Variants in CASP10 observed in about 807,000 individuals in gnomAD.
The protein encoded by CASP10 is caspase 10.
In CASP10, 41 loss-of-function variants were observed where a neutral mutation model predicts 48.5. The observed-to-expected ratio is 0.85, with a 90% CI of 0.66 to 1.10. The LOEUF (loss-of-function observed/expected upper bound fraction) is 1.10. Among genes scored for constraint, CASP10 ranks in the 50% least tolerant of loss-of-function variants. The pLI is 0.00. For synonymous variants in CASP10, 232 were observed against 238.4 expected, an observed-to-expected ratio of 0.97 and a Z score of 0.25; for missense variants, 614 against 614.5, an observed-to-expected ratio of 1.00 and a Z score of 0.01.
At chr2:201,200,303 G>A (rs992789091) in intron 5 of CASP10, 7 of 695,438 alleles carry the variant, frequency 1.0e-5, no homozygotes, top group South Asian at 3.8e-5. Context: ...TAGATTGAGC[G>A]TCTGCTGATG....
intron 5 of CASP10, chr2:201,200,416 T>C: frequency 1.3e-6 from 2 of 1,594,324 alleles, no homozygotes; most frequent in Non-Finnish European, 1.7e-6. Flanking sequence ...CATTCTACTG[T>C]AAAGAAGGAC....
chr2:201,208,276 C>T (rs1945275527), intron 8 of CASP10, 93 bp downstream of exon 8: 1 of 1,494,266 alleles, frequency 6.7e-7, no homozygotes, highest in Non-Finnish European at 8.9e-7. Context: ...TTTTATCTTC[C>T]ATATACGTGT....
intron 1 of CASP10, among the ~76,000 whole-genome samples, chr2:201,184,278 T>C (rs1279324870): frequency 6.6e-6 from 1 of 152,208 alleles, no homozygotes; most frequent in African/African-American, 2.4e-5. Context: ...GCAACTCTTG[T>C]CTAAAATCAC....
At position 201,217,609 on chromosome 2, in the gene CASP10, C is replaced by T. The variant is rs750717615; in HGVS notation, c.1437C>T (p.Ile479=). 1 of 1,613,952 alleles carries T rather than the reference C, an allele frequency of 6.2e-7. No homozygotes were observed. Among genetic ancestry groups the T allele is most frequent in the South Asian group, 1.1e-5 (1 of 91,082 alleles). The change falls in exon 10 of 10, where the codon ATC becomes ATT. Residue 479 remains isoleucine (I), a synonymous_variant. Transcript: ENST00000286186. ...GCAGACATGAAGACATCTTATCCATCCTCACTGCTGTCAACGATGATGTGA... is the reference window on the plus strand; with the variant it reads ...GCAGACATGAAGACATCTTATCCATTCTCACTGCTGTCAACGATGATGTGA... ...LVPRHEDILS[I]LTAVNDDVSR...
At chr2:201,187,407 T>G (rs1055273951) in intron 2 of CASP10, among the ~76,000 whole-genome samples, 5 of 152,062 alleles carry the variant, frequency 3.3e-5, no homozygotes, top group African/African-American at 1.2e-4. Context: ...TGGGAAGGCA[T>G]GTCAGAATTG....
intron 7 of CASP10, among the ~76,000 whole-genome samples, chr2:201,207,664 G>A (rs1254138100): frequency 6.6e-6 from 1 of 151,994 alleles, no homozygotes; most frequent in Non-Finnish European, 1.5e-5. Context: ...GGCTGAGGCA[G>A]AAGACTCGCT....
chr2:201,228,471 T>A (rs1207094307), intron 9 of CASP10, among the ~76,000 whole-genome samples: 1 of 152,230 alleles, frequency 6.6e-6, no homozygotes, highest in Non-Finnish European at 1.5e-5. Context: ...AAGGGCACAG[T>A]GAGCCAGTTT....
At position 201,218,670 on chromosome 2, in the gene CASP10, G is replaced by T. The variant is rs1945646699; in HGVS notation, c.*929G>T. 1 of 985,388 alleles carries T rather than the reference G, an allele frequency of 1.0e-6. No individual in the cohort carries two copies. The highest frequency in any genetic ancestry group is 4.7e-5 in the South Asian group (1 of 21,276). 61.0% of individuals were successfully genotyped at this position (985,388 alleles called of 1,614,324 possible). A position where few individuals can be genotyped will look rare whatever the true frequency, so the allele number is the denominator to read the frequency against. The stretch of plus-strand genomic sequence containing the variant: ...ACGTTCTTAGCCTAGATTGAGCTTA[G>T]ATTGCCTCTCTAGACAACTACCCCT... On this transcript the variant is annotated 3_prime_UTR_variant, in exon 10 of 10. Transcript: ENST00000286186.
chr2:201,187,080 G>A (rs899646294), intron 2 of CASP10, among the ~76,000 whole-genome samples: 1 of 152,184 alleles, frequency 6.6e-6, no homozygotes, highest in East Asian at 1.9e-4. Context: ...TGGTCTCTGC[G>A]ATTAGAACAC....
intron 5 of CASP10, 77 bp from the exon 6 acceptor site, chr2:201,203,653 C>A: frequency 8.0e-7 from 1 of 1,244,626 alleles, no homozygotes; most frequent in Admixed American, 1.7e-5. Flanking sequence ...TCCTTCCCTG[C>A]ATCAAGTCTA....
chr2:201,224,354 T>C (rs1206103860), downstream of CASP10, among the ~76,000 whole-genome samples: 3 of 152,218 alleles, frequency 2.0e-5, no homozygotes, highest in East Asian at 5.8e-4. Context: ...TGTTTAAAGA[T>C]TTACTTATTT....
intron 3 of CASP10, among the ~76,000 whole-genome samples, chr2:201,191,477 T>C (rs1169698935): frequency 6.6e-6 from 1 of 152,158 alleles, no homozygotes; most frequent in Non-Finnish European, 1.5e-5. Flanking sequence ...TTGATCTGTA[T>C]TGGATTTTGC....
chr2:201,191,053 G>A (rs1290746427), intron 3 of CASP10, among the ~76,000 whole-genome samples: 1 of 151,746 alleles, frequency 6.6e-6, no homozygotes, highest in Non-Finnish European at 1.5e-5. Flanking sequence ...GTAGAGGTGG[G>A]GTTTCACCAT....
At chr2:201,224,116 C>T (rs190038228), downstream of CASP10, among the ~76,000 whole-genome samples, 264 of 152,050 alleles carry the variant, frequency 1.7e-3, 1 homozygote, top group African/African-American at 5.7e-3. Flanking sequence ...GGACTATGGG[C>T]GCCCGCTACC....
At chr2:201,188,192 T>C (rs1320269280) in intron 3 of CASP10, among the ~76,000 whole-genome samples, 3 of 152,196 alleles carry the variant, frequency 2.0e-5, no homozygotes, top group African/African-American at 7.2e-5. Flanking sequence ...GTTTTTGTTT[T>C]TTTTTGAGAC....
At chr2:201,206,365 C>T (rs1171190391) in intron 7 of CASP10, 1 of 166,240 alleles carries the variant, frequency 6.0e-6, no homozygotes, top group African/African-American at 2.4e-5. Flanking sequence ...AAAGCCAGCT[C>T]AGCTAATTTG....
rs1210832784 is a variant in CASP10, at chr2:201,209,453, T to G, written c.1306T>G (p.Phe436Val). ...GGACAGTATTCCTGCCGAGGCTGACTTCCTACTTGGTCTGGCCACTGTCCC... is the reference window on the plus strand; with the variant it reads ...GGACAGTATTCCTGCCGAGGCTGACGTCCTACTTGGTCTGGCCACTGTCCC... ...LQDSIPAEADFLLGLATVPGY... is the reference protein window; with the variant it reads ...LQDSIPAEADVLLGLATVPGY... The change falls in exon 9 of 10, where the codon TTC (phenylalanine) becomes GTC (valine). Residue 436 changes from phenylalanine to valine, a missense_variant. Phe to Val is a conservative substitution (Grantham distance 50). Coordinates refer to ENST00000286186, the MANE Select transcript of CASP10 (RefSeq NM_032977.4). The G allele has an allele frequency of 1.9e-6, 3 of 1,614,046 alleles. No homozygotes were observed. In the East Asian group the frequency reaches 6.7e-5, roughly 36 times the overall value.
intron 5 of CASP10, among the ~76,000 whole-genome samples, chr2:201,196,498 G>A (rs1291563863): frequency 1.3e-5 from 2 of 152,180 alleles, no homozygotes; most frequent in African/African-American, 4.8e-5. Context: ...AACGTTGGGA[G>A]AATTTGCAGT....
At chr2:201,194,087 T>TTGTGTGGG (rs1553576495) in intron 4 of CASP10, among the ~76,000 whole-genome samples, 2 of 148,364 alleles carry the variant, frequency 1.3e-5, no homozygotes, top group African/African-American at 5.0e-5. Context: ...CTTTATTTTC[T>TTGTGTGGG]TGTGTGTGTG....
Sources: gnomAD v4.1 joint callset for allele counts (sites outside exome capture counted in the v4.1 genomes callset) on GRCh38, gnomAD v4.1.1 for gene constraint, MANE v1.5 for transcripts, NCBI Gene and HGNC (gene_info 2026-07-23, HGNC 2026-07-21) for gene names.